Variants in SEMA6D observed in about 807,000 individuals in gnomAD.
The protein encoded by SEMA6D is semaphorin 6D.
In SEMA6D, 35 loss-of-function variants were observed where a neutral mutation model predicts 106.6. The observed-to-expected ratio is 0.33, with a 90% CI of 0.25 to 0.44. The LOEUF (loss-of-function observed/expected upper bound fraction) is 0.44. Among genes scored for constraint, SEMA6D ranks in the 20% least tolerant of loss-of-function variants. The probability of loss-of-function intolerance (pLI) is 1.00; values close to 1 mark genes in which losing one functional copy is unlikely to be tolerated. For synonymous variants in SEMA6D, 499 were observed against 487.7 expected (o/e 1.02, Z -0.31); for missense variants, 1,185 against 1,345.9 (o/e 0.88, Z 1.87).
chr15:47,738,198 T>C (rs890973250), intron 1 of SEMA6D, among the ~76,000 whole-genome samples: 13 of 152,166 alleles, frequency 8.5e-5, no homozygotes, highest in African/African-American at 3.1e-4. Context: ...CCCCTCTCTG[T>C]GTCCACGTGT....
chr15:47,269,365 TA>T (rs1006659872), intron 1 of SEMA6D, among the ~76,000 whole-genome samples: 37 of 146,896 alleles, frequency 2.5e-4, no homozygotes, highest in African/African-American at 6.0e-4. Flanking sequence ...TGTAGCTCAT[TA>T]AAAAAAAAAG....
chr15:47,224,320 T>G (rs990399253), intron 1 of SEMA6D, among the ~76,000 whole-genome samples: 4 of 152,076 alleles, frequency 2.6e-5, no homozygotes, highest in Admixed American at 6.6e-5. Flanking sequence ...TTTTTACCAT[T>G]GGAATTGATT....
chr15:47,591,390 T>A (rs2076436476), intron 3 of SEMA6D, among the ~76,000 whole-genome samples: 1 of 152,172 alleles, frequency 6.6e-6, no homozygotes, highest in African/African-American at 2.4e-5. Context: ...TGGGGCTGTA[T>A]GTCCAGAGGC....
chr15:47,505,089 G>GT (rs1172721691), intron 3 of SEMA6D, among the ~76,000 whole-genome samples: 1 of 152,120 alleles, frequency 6.6e-6, no homozygotes, highest in East Asian at 1.9e-4. Context: ...AAGGCCAGGA[G>GT]TAAGAGAGGA....
intron 4 of SEMA6D, among the ~76,000 whole-genome samples, chr15:47,692,215 C>T (rs2078602237): frequency 6.6e-6 from 1 of 152,090 alleles, no homozygotes; most frequent in Admixed American, 6.5e-5. Flanking sequence ...GACTTCTGCC[C>T]AGTTTTAAAC....
chr15:47,424,941 A>G (rs2041282326), intron 2 of SEMA6D, among the ~76,000 whole-genome samples: 1 of 151,978 alleles, frequency 6.6e-6, no homozygotes. Context: ...AAGGGTAGTA[A>G]ATGATTTTTA....
chr15:47,678,846 G>A (rs922731333), intron 4 of SEMA6D, among the ~76,000 whole-genome samples: 1 of 152,070 alleles, frequency 6.6e-6, no homozygotes, highest in Non-Finnish European at 1.5e-5. Context: ...TTCACATAGT[G>A]TTATTGTGCA....
At chr15:47,424,348 G>GAA (rs899288579) in intron 2 of SEMA6D, among the ~76,000 whole-genome samples, 1 of 144,770 alleles carries the variant, frequency 6.9e-6, no homozygotes, top group Admixed American at 6.9e-5. Context: ...CATGAAATAA[G>GAA]AAAAAAAAAA....
At chr15:47,695,588 C>G (rs114569376) in intron 4 of SEMA6D, among the ~76,000 whole-genome samples, 1 of 152,068 alleles carries the variant, frequency 6.6e-6, no homozygotes, top group Non-Finnish European at 1.5e-5. Context: ...AAATGAAGTT[C>G]TTAATTCATA....
At chr15:47,218,219 A>G (rs1566932639) in intron 1 of SEMA6D, among the ~76,000 whole-genome samples, 1 of 152,186 alleles carries the variant, frequency 6.6e-6, no homozygotes. Context: ...ACATAGTTCA[A>G]TGCCTGGACC....
intron 1 of SEMA6D, among the ~76,000 whole-genome samples, chr15:47,321,326 A>T (rs1486215425): frequency 6.6e-6 from 1 of 152,190 alleles, no homozygotes; most frequent in Non-Finnish European, 1.5e-5. Flanking sequence ...GAACACAGTG[A>T]CTAATATGAA....
At chr15:47,521,714 G>A (rs992038168) in intron 3 of SEMA6D, among the ~76,000 whole-genome samples, 4 of 152,100 alleles carry the variant, frequency 2.6e-5, no homozygotes, top group Admixed American at 2.0e-4. Context: ...GGCTGGGCAC[G>A]GTGGCTCACG....
intron 2 of SEMA6D, among the ~76,000 whole-genome samples, chr15:47,460,100 C>A (rs2042459505): frequency 6.6e-6 from 1 of 151,988 alleles, no homozygotes. Context: ...TTAAAGTCAT[C>A]TAATTAGCCA....
At chr15:47,669,062 A>G (rs112142675) in intron 4 of SEMA6D, among the ~76,000 whole-genome samples, 6 of 152,032 alleles carry the variant, frequency 3.9e-5, no homozygotes, top group Non-Finnish European at 8.8e-5. Context: ...CTATTTTTCT[A>G]TCTCTCTTTT....
At chr15:47,736,021 T>A (rs2080426172) in intron 1 of SEMA6D, among the ~76,000 whole-genome samples, 1 of 152,226 alleles carries the variant, frequency 6.6e-6, no homozygotes, top group Non-Finnish European at 1.5e-5. Flanking sequence ...TCCAGAGCTA[T>A]CTTTGGGCCT....
chr15:47,518,384 G>C (rs2044457585), intron 3 of SEMA6D, among the ~76,000 whole-genome samples: 1 of 152,072 alleles, frequency 6.6e-6, no homozygotes, highest in Admixed American at 6.6e-5. Flanking sequence ...CTTTCTTTTA[G>C]ACAAAAAATT....
At position 47,383,107 on chromosome 15, in the gene SEMA6D, GC is replaced by G. The variant is rs550848290; in HGVS notation, c.-238-29284del. ...AATGATCCAGGGAACTTCCCTTTGT[GC>G]CTGTCCTGATGAGGACAATATCTCA... is the stretch of plus-strand genomic sequence containing the variant. On this transcript the variant is annotated intron_variant, in intron 1 of 19. Transcript: ENST00000558014. Among the ~76,000 whole-genome samples the G allele has an allele frequency of 1.6e-4, 25 of 152,272 alleles. No homozygotes were observed. The South Asian group carries it at 5.2e-3, about 32-fold the overall frequency.
intron 1 of SEMA6D, among the ~76,000 whole-genome samples, chr15:47,294,277 G>A (rs377040234): frequency 3.2e-4 from 49 of 151,574 alleles, no homozygotes; most frequent in African/African-American, 1.0e-3. Flanking sequence ...GTCGCCCAGT[G>A]CAGTGGTGCA....
At chr15:47,364,390 C>T (rs772568029) in intron 1 of SEMA6D, among the ~76,000 whole-genome samples, 27 of 151,940 alleles carry the variant, frequency 1.8e-4, no homozygotes, top group Non-Finnish European at 3.2e-4. Flanking sequence ...ATCAGTCACT[C>T]GAAAGATGCC....
Sources: gnomAD v4.1 joint callset for allele counts (sites outside exome capture counted in the v4.1 genomes callset) on GRCh38, gnomAD v4.1.1 for gene constraint, MANE v1.5 for transcripts, NCBI Gene and HGNC (gene_info 2026-07-23, HGNC 2026-07-21) for gene names.